The following NALF1 variants were observed in gnomAD, a reference collection of about 807,000 sequenced individuals.
NALF1 encodes the protein NALCN channel auxiliary factor 1.
In NALF1, 3 loss-of-function variants were observed where a neutral mutation model predicts 48.4. The observed-to-expected ratio is 0.06, with a 90% CI of 0.03 to 0.16. The LOEUF (loss-of-function observed/expected upper bound fraction) is 0.16. Among genes scored for constraint, NALF1 ranks in the 10% least tolerant of loss-of-function variants. NALF1 has a pLI of 1.00. For missense variants in NALF1, 526 were observed against 571.5 expected, an observed-to-expected ratio of 0.92 and a Z score of 0.81; for synonymous variants, 262 against 245.7, an observed-to-expected ratio of 1.07 and a Z score of -0.62.
chr13:107,228,668 G>A (rs1385139345), intron 1 of NALF1, among the ~76,000 whole-genome samples: 2 of 152,272 alleles, frequency 1.3e-5, no homozygotes, highest in East Asian at 3.9e-4. Flanking sequence ...TGCCTAGGGT[G>A]GAGTACAATG....
chr13:107,415,922 C>T (rs986838038), intron 1 of NALF1, among the ~76,000 whole-genome samples: 1 of 152,142 alleles, frequency 6.6e-6, no homozygotes, highest in South Asian at 2.1e-4. Context: ...TCGATGTTGA[C>T]GATCTACTTC....
chr13:107,805,463 C>T (rs1878750837), intron 1 of NALF1, among the ~76,000 whole-genome samples: 1 of 152,066 alleles, frequency 6.6e-6, no homozygotes, highest in Admixed American at 6.6e-5. Flanking sequence ...AATTTTACTC[C>T]TTAATAATTG....
At chr13:107,654,826 C>A (rs7337944) in intron 1 of NALF1, among the ~76,000 whole-genome samples, 150,480 of 152,290 alleles carry the variant, frequency 0.99, 74,370 homozygotes, top group Middle Eastern at 1. Context: ...CATACCAGGG[C>A]TGCAGGAATG....
At chr13:107,343,055 C>G (rs1419372458) in intron 1 of NALF1, among the ~76,000 whole-genome samples, 2 of 152,126 alleles carry the variant, frequency 1.3e-5, no homozygotes, top group African/African-American at 4.8e-5. Flanking sequence ...AAACACTCTA[C>G]CCCATAAAAG....
chr13:107,465,690 G>C (rs1884990847), intron 1 of NALF1, among the ~76,000 whole-genome samples: 1 of 152,082 alleles, frequency 6.6e-6, no homozygotes, highest in Non-Finnish European at 1.5e-5. Context: ...TTGTCTGGTG[G>C]GGCTGTCATA....
chr13:107,567,746 C>T (rs774198572), intron 1 of NALF1, among the ~76,000 whole-genome samples: 9 of 152,134 alleles, frequency 5.9e-5, no homozygotes, highest in Non-Finnish European at 7.3e-5. Flanking sequence ...AGCATTAACA[C>T]GAATCTCCCT....
At chr13:107,507,504 C>T (rs1051341274) in intron 1 of NALF1, among the ~76,000 whole-genome samples, 3 of 143,988 alleles carry the variant, frequency 2.1e-5, no homozygotes, top group African/African-American at 7.8e-5. Context: ...GTTTATGTAT[C>T]GTTAAAAGCC....
intron 2 of NALF1, among the ~76,000 whole-genome samples, chr13:107,209,399 C>T (rs1485012531): frequency 4.0e-5 from 6 of 151,632 alleles, no homozygotes; most frequent in East Asian, 1.9e-4. Context: ...CTCAGCTACT[C>T]GGGAGGCTGA....
At chr13:107,615,651 C>T (rs185056252) in intron 1 of NALF1, among the ~76,000 whole-genome samples, 175 of 152,298 alleles carry the variant, frequency 1.1e-3, no homozygotes, top group African/African-American at 4.0e-3. Context: ...CACAAACTAA[C>T]TCTCTGTGTG....
At chr13:107,271,602 A>C (rs1881166614) in intron 1 of NALF1, among the ~76,000 whole-genome samples, 1 of 88,964 alleles carries the variant, frequency 1.1e-5, no homozygotes. Context: ...CAAGATAGCA[A>C]GTGGGGGTCA....
At chr13:107,531,007 T>C (rs150137788) in intron 1 of NALF1, among the ~76,000 whole-genome samples, 1,919 of 103,008 alleles carry the variant, frequency 0.019, 24 homozygotes, top group Middle Eastern at 0.06. Context: ...CTGCTGAACA[T>C]TGTCATTCAC....
chr13:107,425,112 A>G (rs1884257577), intron 1 of NALF1, among the ~76,000 whole-genome samples: 1 of 152,208 alleles, frequency 6.6e-6, no homozygotes, highest in Non-Finnish European at 1.5e-5. Context: ...ACATTACGAA[A>G]GAAAGTTGAT....
rs1188019590 is a variant in NALF1 at position 107,631,928 on chromosome 13, C to T, written c.915+233754G>A. On this transcript the variant is annotated intron_variant, in intron 1 of 2. Transcript: ENST00000375915. ...TCTCTGACTCTGTCTTCTTCAATCTCCCCTTCAAAGACTTAAAAAAGATAA... is the reference window on the plus strand; with the variant it reads ...TCTCTGACTCTGTCTTCTTCAATCTTCCCTTCAAAGACTTAAAAAAGATAA... Among the ~76,000 whole-genome samples the T allele has an allele frequency of 2.0e-5, 3 of 152,248 alleles. No homozygotes were observed. In the East Asian group the frequency reaches 5.8e-4, roughly 29 times the overall value.
At chr13:107,198,800 C>T (rs949624995) in intron 2 of NALF1, among the ~76,000 whole-genome samples, 1 of 152,160 alleles carries the variant, frequency 6.6e-6, no homozygotes, top group Non-Finnish European at 1.5e-5. Flanking sequence ...CTGGTATGGG[C>T]CTTTCTTCTT....
intron 1 of NALF1, among the ~76,000 whole-genome samples, chr13:107,721,876 C>G (rs1468539736): frequency 6.6e-6 from 1 of 152,160 alleles, no homozygotes; most frequent in Admixed American, 6.5e-5. Flanking sequence ...ACATCCCTAC[C>G]GCAGATTCAT....
intron 1 of NALF1, among the ~76,000 whole-genome samples, chr13:107,308,026 C>T (rs2138900349): frequency 1.3e-5 from 2 of 152,016 alleles, no homozygotes; most frequent in Admixed American, 1.3e-4. Context: ...TTCTAAAGAG[C>T]CATTAATATT....
chr13:107,253,549 A>T lies in NALF1; in HGVS notation c.916-42794T>A, dbSNP rs569914236. 2.3e-4 allele frequency among the ~76,000 whole-genome samples: 35 copies of T among 152,318 alleles called. No individual in the cohort carries two copies. In the Middle Eastern group the frequency reaches 0.01, roughly 44 times the overall value. Reference sequence around the variant, plus strand: ...CTCAGCATCTCTCACACTTGTTTACATGATGGAATTCAGGTCGCATACTTC... The same window carrying T: ...CTCAGCATCTCTCACACTTGTTTACTTGATGGAATTCAGGTCGCATACTTC... On this transcript the variant is annotated intron_variant, in intron 1 of 2. Transcript: ENST00000375915.
At chr13:107,556,294 TATACACAC>T (rs1176742830) in intron 1 of NALF1, among the ~76,000 whole-genome samples, 31 of 97,544 alleles carry the variant, frequency 3.2e-4, no homozygotes, top group East Asian at 1.9e-3. Flanking sequence ...TATATATATA[TATACACAC>T]ACACACACAC....
intron 1 of NALF1, among the ~76,000 whole-genome samples, chr13:107,372,602 T>C (rs1425520857): frequency 6.6e-6 from 1 of 152,218 alleles, no homozygotes; most frequent in Admixed American, 6.5e-5. Context: ...TCATAAAAGA[T>C]AGTCATACAA....
Sources: allele counts gnomAD v4.1 joint callset (sites outside exome capture counted in the v4.1 genomes callset), GRCh38; gene constraint gnomAD v4.1.1; transcripts MANE v1.5; gene names NCBI Gene and HGNC (gene_info 2026-07-23, HGNC 2026-07-21).